The following AUTS2 variants were observed in gnomAD, a reference collection of about 807,000 sequenced individuals.
The protein encoded by AUTS2 is autism susceptibility gene 2 protein.
In AUTS2, 17 loss-of-function variants were observed where a neutral mutation model predicts 112.4. That is an observed-to-expected ratio of 0.15 (90% CI 0.10 to 0.23). The LOEUF (loss-of-function observed/expected upper bound fraction) is 0.23. AUTS2 is among the 10% of genes least tolerant of loss of function. The probability of loss-of-function intolerance (pLI) is 1.00; values close to 1 mark genes in which losing one functional copy is unlikely to be tolerated. For synonymous variants in AUTS2, 751 were observed against 702.7 expected, an observed-to-expected ratio of 1.07 and a Z score of -1.09; for missense variants, 1,510 against 1,701.6, an observed-to-expected ratio of 0.89 and a Z score of 1.98.
chr7:70,463,510 C>G (rs542845393), intron 5 of AUTS2, among the ~76,000 whole-genome samples: 1 of 152,312 alleles, frequency 6.6e-6, no homozygotes, highest in South Asian at 2.1e-4. Flanking sequence ...GGGAGTTGAT[C>G]AAGGAGTTTT....
chr7:70,779,226 A>C (rs1790901965), intron 14 of AUTS2, among the ~76,000 whole-genome samples: 1 of 152,222 alleles, frequency 6.6e-6, no homozygotes, highest in Admixed American at 6.5e-5. Context: ...ATTACTCGAT[A>C]CTGGGACTTT....
chr7:70,286,505 AG>A (rs1267739621), intron 4 of AUTS2, among the ~76,000 whole-genome samples: 12 of 152,396 alleles, frequency 7.9e-5, no homozygotes, highest in Admixed American at 3.3e-4. Flanking sequence ...TGATTATGCT[AG>A]AGTATGAGAA....
At chr7:70,444,373 T>TGTGTGTGTGTGTGTGTGTGTGTGAGA (rs372696006) in intron 5 of AUTS2, among the ~76,000 whole-genome samples, 10 of 142,510 alleles carry the variant, frequency 7.0e-5, no homozygotes, top group African/African-American at 2.1e-4. Flanking sequence ...TGTGTGTGTG[T>TGTGTGTGTGTGTGTGTGTGTGTGAGA]GAGAGAGAGA....
chr7:70,732,327 T>G (rs1787464416), intron 6 of AUTS2, among the ~76,000 whole-genome samples: 1 of 152,184 alleles, frequency 6.6e-6, no homozygotes, highest in South Asian at 2.1e-4. Flanking sequence ...TTAGGATTCC[T>G]CACATGGAGA....
chr7:70,117,107 T>TTTTTTTTTTTG (rs1805401548), intron 2 of AUTS2, among the ~76,000 whole-genome samples: 1 of 108,040 alleles, frequency 9.3e-6, no homozygotes, highest in East Asian at 2.4e-4. Flanking sequence ...GACTTTTGTT[T>TTTTTTTTTTTG]TTTTTTTTTG....
chr7:70,224,929 G>A (rs1200465580), intron 4 of AUTS2, among the ~76,000 whole-genome samples: 2 of 152,216 alleles, frequency 1.3e-5, no homozygotes. Context: ...TAGGTGTATA[G>A]TAGGCTATAC....
In AUTS2 at chr7:70,110,715, CATT is replaced by C. The variant is rs1004356972; in HGVS notation, c.523-7415_523-7413del. Among the ~76,000 whole-genome samples the C allele has an allele frequency of 2.6e-5, 4 of 152,012 alleles. No homozygotes were observed. The East Asian group carries it at 7.8e-4, about 29-fold the overall frequency. On this transcript the variant is annotated intron_variant, in intron 2 of 18. Coordinates refer to ENST00000342771, the MANE Select transcript of AUTS2 (RefSeq NM_015570.4). Reference sequence around the variant, plus strand: ...TGCCTAAAGTGTTTATTGGGATCATCATTAACACAGGTAAATAACTTTCCAAAG... The same window carrying C: ...TGCCTAAAGTGTTTATTGGGATCATCAACACAGGTAAATAACTTTCCAAAG...
At chr7:69,755,112 G>A (rs1174018192) in intron 1 of AUTS2, among the ~76,000 whole-genome samples, 1 of 152,204 alleles carries the variant, frequency 6.6e-6, no homozygotes, top group Non-Finnish European at 1.5e-5. Flanking sequence ...CACCCATCAA[G>A]TGGTTTGGGG....
chr7:70,192,166 G>A (rs1809935019), intron 4 of AUTS2, among the ~76,000 whole-genome samples: 1 of 152,106 alleles, frequency 6.6e-6, no homozygotes, highest in Admixed American at 6.6e-5. Flanking sequence ...AAGATTCACT[G>A]GAATAATGGT....
At chr7:70,248,414 G>A (rs748797474) in intron 4 of AUTS2, among the ~76,000 whole-genome samples, 4 of 152,094 alleles carry the variant, frequency 2.6e-5, no homozygotes, top group Admixed American at 6.5e-5. Flanking sequence ...ATGAGCCACC[G>A]TGCCCAGCCA....
At chr7:69,692,219 G>C (rs1487940429) in intron 1 of AUTS2, among the ~76,000 whole-genome samples, 2 of 152,208 alleles carry the variant, frequency 1.3e-5, no homozygotes, top group Non-Finnish European at 2.9e-5. Context: ...TAGAACAAAC[G>C]TAATTTTTTG....
chr7:70,573,721 G>A (rs779463768), intron 5 of AUTS2, among the ~76,000 whole-genome samples: 140 of 151,944 alleles, frequency 9.2e-4, no homozygotes, highest in Non-Finnish European at 1.6e-3. Flanking sequence ...CAGTTAAACG[G>A]TTCAAAGGAT....
chr7:70,536,180 A>G (rs1276002499), intron 5 of AUTS2, among the ~76,000 whole-genome samples: 1 of 151,944 alleles, frequency 6.6e-6, no homozygotes, highest in Non-Finnish European at 1.5e-5. Context: ...ATATAAAATA[A>G]TTAGCCAGGT....
At chr7:69,649,556 T>A (rs575916286) in intron 1 of AUTS2, among the ~76,000 whole-genome samples, 1 of 152,122 alleles carries the variant, frequency 6.6e-6, no homozygotes, top group East Asian at 1.9e-4. Context: ...AGTCACCTCA[T>A]CCTCCTTTCC....
intron 5 of AUTS2, among the ~76,000 whole-genome samples, chr7:70,627,721 A>T (rs568752439): frequency 6.6e-6 from 1 of 152,214 alleles, no homozygotes; most frequent in Non-Finnish European, 1.5e-5. Context: ...CAGGGATCCC[A>T]CATGCAATGG....
intron 1 of AUTS2, among the ~76,000 whole-genome samples, chr7:69,688,489 CTTT>C (rs771319434): frequency 6.6e-6 from 1 of 152,054 alleles, no homozygotes; most frequent in African/African-American, 2.4e-5. Context: ...TGTTTATTTC[CTTT>C]TTTTCTTTTT....
intron 4 of AUTS2, among the ~76,000 whole-genome samples, chr7:70,340,298 A>G (rs952546232): frequency 3.3e-5 from 5 of 152,124 alleles, no homozygotes; most frequent in African/African-American, 1.2e-4. Context: ...ATATATATGC[A>G]TAAGGGATGA....
intron 5 of AUTS2, among the ~76,000 whole-genome samples, chr7:70,570,770 T>G (rs1585315637): frequency 1.3e-5 from 2 of 152,228 alleles, no homozygotes; most frequent in East Asian, 3.8e-4. Flanking sequence ...ATCTTCCTGT[T>G]GCATTCCCAT....
intron 1 of AUTS2, among the ~76,000 whole-genome samples, chr7:69,856,525 T>C (rs1792730150): frequency 1.3e-5 from 2 of 152,312 alleles, no homozygotes; most frequent in East Asian, 1.9e-4. Context: ...ACAGGAGATC[T>C]TTTAGACCCC....
Sources: gnomAD v4.1 joint callset for allele counts (sites outside exome capture counted in the v4.1 genomes callset) on GRCh38, gnomAD v4.1.1 for gene constraint, MANE v1.5 for transcripts, NCBI Gene and HGNC (gene_info 2026-07-23, HGNC 2026-07-21) for gene names.